Variants in DCTN6 observed in about 807,000 individuals in gnomAD.
The protein encoded by DCTN6 is dynactin 6.
DCTN6 carries 15 observed loss-of-function variants against 25.8 expected under a neutral mutation model. The observed-to-expected ratio is 0.58, with a 90% CI of 0.39 to 0.89. DCTN6 has a LOEUF of 0.89. Ranked by LOEUF, DCTN6 falls within the 40% of genes least tolerant of loss-of-function variation. The probability of loss-of-function intolerance (pLI) is 0.00; values close to 1 mark genes in which losing one functional copy is unlikely to be tolerated. For missense variants in DCTN6, 198 were observed against 237.6 expected (o/e 0.83, Z 1.09); for synonymous variants, 64 against 78.3 (o/e 0.82, Z 0.96).
chr8:30,181,603 C>T (rs1803911463), intron 6 of DCTN6, among the ~76,000 whole-genome samples: 1 of 152,128 alleles, frequency 6.6e-6, no homozygotes. Context: ...TACCTAGCCT[C>T]CTTTTCCTCC....
chr8:30,168,704 AG>A (rs1388721359), intron 2 of DCTN6, among the ~76,000 whole-genome samples: 1 of 152,186 alleles, frequency 6.6e-6, no homozygotes, highest in Non-Finnish European at 1.5e-5. Flanking sequence ...TTCCTAGAAA[AG>A]CAGGTATTTG....
At chr8:30,159,249 C>A (rs1490369384) in intron 1 of DCTN6, among the ~76,000 whole-genome samples, 1 of 144,158 alleles carries the variant, frequency 6.9e-6, no homozygotes, top group Non-Finnish European at 1.5e-5. Context: ...TTAGTTTTTT[C>A]TATTTGATAC....
intron 3 of DCTN6, among the ~76,000 whole-genome samples, chr8:30,176,105 A>G (rs1803828384): frequency 6.6e-6 from 1 of 152,272 alleles, no homozygotes; most frequent in African/African-American, 2.4e-5. Flanking sequence ...TATGTTTCAC[A>G]ATCCCAAATG....
At chr8:30,159,989 T>C (rs949113557) in intron 1 of DCTN6, among the ~76,000 whole-genome samples, 4 of 152,114 alleles carry the variant, frequency 2.6e-5, no homozygotes, top group African/African-American at 9.7e-5. Context: ...TTTGGTTGTT[T>C]TTCTGGCATA....
chr8:30,175,219 A>C, intron 3 of DCTN6, 29 bp downstream of exon 3: 1 of 1,585,250 alleles, frequency 6.3e-7, no homozygotes, highest in East Asian at 2.2e-5. Flanking sequence ...CTGTGAACCA[A>C]GTACCATGGG....
At chr8:30,177,025 A>C in intron 3 of DCTN6, 101 bp from the exon 4 acceptor site, 1 of 794,896 alleles carries the variant, frequency 1.3e-6, no homozygotes, top group Admixed American at 2.4e-5. Context: ...TTTAAGCTTG[A>C]TGTAGGTAAA....
At chr8:30,165,467 C>T (rs1803652847) in intron 2 of DCTN6, among the ~76,000 whole-genome samples, 1 of 150,304 alleles carries the variant, frequency 6.7e-6, no homozygotes, top group African/African-American at 2.4e-5. Context: ...CCTGTAACGT[C>T]ATTTTTTTTT....
In DCTN6 at chr8:30,177,218, T is replaced by C. The variant is rs1219205162; in HGVS notation, c.283+4T>C. ...AATGTGTTTGAAGTTGGCTGTTGTATCCTTTACAATAATCTACCATAAATA... is the reference window on the plus strand; with the variant it reads ...AATGTGTTTGAAGTTGGCTGTTGTACCCTTTACAATAATCTACCATAAATA... On this transcript the variant is annotated splice_donor_region_variant and intron_variant, in intron 4 of 6. Coordinates refer to ENST00000221114, the MANE Select transcript of DCTN6 (RefSeq NM_006571.4). 1 of 1,609,200 alleles carries C rather than the reference T, an allele frequency of 6.2e-7. No individual in the cohort carries two copies.
intron 5 of DCTN6, 48 bp downstream of exon 5, chr8:30,179,503 C>G: frequency 6.5e-7 from 1 of 1,526,964 alleles, no homozygotes. Flanking sequence ...CCTCTTTTCT[C>G]TTTGTGGTGT....
intron 2 of DCTN6, among the ~76,000 whole-genome samples, chr8:30,171,397 A>C (rs1047951272): frequency 6.6e-6 from 1 of 151,698 alleles, no homozygotes; most frequent in African/African-American, 2.4e-5. Context: ...CCACAGGTGC[A>C]CCCCACCATA....
At chr8:30,156,511 T>G in intron 1 of DCTN6, 105 bp downstream of exon 1, 1 of 1,387,462 alleles carries the variant, frequency 7.2e-7, no homozygotes, top group Non-Finnish European at 1.0e-6. Flanking sequence ...ATCCTGGGCA[T>G]TCGGGCCGAA....
intron 1 of DCTN6, among the ~76,000 whole-genome samples, chr8:30,163,725 A>G (rs1803627091): frequency 6.8e-6 from 1 of 146,818 alleles, no homozygotes; most frequent in African/African-American, 2.5e-5. Context: ...TTCCTGAGAC[A>G]GAGTTTCACT....
rs113018882 is a variant in DCTN6 at position 30,162,936 on chromosome 8, A to G, written c.24-1175A>G. On this transcript the variant is annotated intron_variant, in intron 1 of 6. Transcript: ENST00000221114. ...AATAATGGCATATTACATACTGTCC[A>G]TTTTCTCACTTCACTCTTTTTTACT... Among the ~76,000 whole-genome samples, 421 of 152,050 alleles carry G rather than the reference A, an allele frequency of 2.8e-3. 4 individuals carry two copies. The highest frequency in any genetic ancestry group is 9.0e-3 in the African/African-American group (373 of 41,484).
chr8:30,161,384 G>A (rs1354838372), intron 1 of DCTN6, among the ~76,000 whole-genome samples: 2 of 152,102 alleles, frequency 1.3e-5, no homozygotes, highest in Non-Finnish European at 2.9e-5. Context: ...ATCTCTGTAG[G>A]ATTAGACCAA....
chr8:30,166,306 T>A (rs2117582424), intron 2 of DCTN6, among the ~76,000 whole-genome samples: 3 of 151,456 alleles, frequency 2.0e-5, no homozygotes, highest in Middle Eastern at 6.8e-3. Flanking sequence ...CCGTTTTGGT[T>A]TTTTTTTTCT....
intron 2 of DCTN6, among the ~76,000 whole-genome samples, chr8:30,171,464 C>T (rs1395498935): frequency 6.6e-6 from 1 of 151,992 alleles, no homozygotes; most frequent in Non-Finnish European, 1.5e-5. Context: ...TGACTCATTG[C>T]CCTGGCTGGT....
At chr8:30,175,233 C>A in intron 3 of DCTN6, 43 bp downstream of exon 3, 1 of 1,551,312 alleles carries the variant, frequency 6.4e-7, no homozygotes, top group Non-Finnish European at 8.8e-7. Context: ...CCATGGGTAA[C>A]GGTTTTTCTT....
intron 3 of DCTN6, among the ~76,000 whole-genome samples, chr8:30,176,090 C>T (rs1193236255): frequency 1.3e-5 from 2 of 152,172 alleles, no homozygotes; most frequent in African/African-American, 2.4e-5. Context: ...ATGTGAATAT[C>T]TGTTTATGTT....
At chr8:30,166,624 T>C (rs1803679550) in intron 2 of DCTN6, among the ~76,000 whole-genome samples, 1 of 152,186 alleles carries the variant, frequency 6.6e-6, no homozygotes, top group South Asian at 2.1e-4. Context: ...AAAGGCATTA[T>C]CCTGTGCAAG....
Sources: allele counts gnomAD v4.1 joint callset (sites outside exome capture counted in the v4.1 genomes callset), GRCh38; gene constraint gnomAD v4.1.1; transcripts MANE v1.5; gene names NCBI Gene and HGNC (gene_info 2026-07-23, HGNC 2026-07-21).